The following BAG6 variants were observed in gnomAD, a reference collection of about 807,000 sequenced individuals.
The protein encoded by BAG6 is large proline-rich protein BAG6.
In BAG6, 22 loss-of-function variants were observed where a neutral mutation model predicts 121.0. The observed-to-expected ratio is 0.18, with a 90% CI of 0.13 to 0.26. The LOEUF (loss-of-function observed/expected upper bound fraction) is 0.26, where lower values mean the gene tolerates loss of function less well. Ranked by LOEUF, BAG6 falls within the 10% of genes least tolerant of loss-of-function variation. BAG6 has a pLI of 1.00. For missense variants in BAG6, 1,233 were observed against 1,537.7 expected (o/e 0.80, Z 3.31); for synonymous variants, 583 against 584.6 (o/e 1.00, Z 0.04).
rs1170568661 is a variant in BAG6 at position 31,641,349 on chromosome 6, C to T, written c.2633G>A (p.Ser878Asn). 6.2e-7 allele frequency: 1 copy of T among 1,614,278 alleles called. No individual in the cohort carries two copies. Among genetic ancestry groups the T allele is most frequent in the Admixed American group, 1.7e-5 (1 of 60,032 alleles). The change falls in exon 19 of 26, where the codon AGC becomes AAC. Residue 878 changes from serine (S) to asparagine (N), a missense_variant. Physicochemically the swap from Ser to Asn is conservative, Grantham distance 46. Transcript: ENST00000676615. The surrounding 1 kb of genome is among the most constrained non-coding windows in gnomAD (Gnocchi z 5.7). ...GCAATGCAGCACATGCGCAGCAATG[C>T]TATTAAACTGCTCTTGGAGAAATTC... ...NLEFLQEQFN[S>N]IAAHVLHCTD...
In BAG6 at chr6:31,640,687, T is replaced by C. The variant is rs762152262; in HGVS notation, c.2952A>G (p.Pro984=). The C allele has an allele frequency of 6.2e-7, 1 of 1,613,050 alleles. No homozygotes were observed. ...GDPPQPLPEE[P]MEVQGAERAS... ...CTCTTTCTGCTCCCTGAACTTCCAT[T>C]GGCTCCTCAGGAAGTGGCTGTGAAA... Residue 984 remains proline, a synonymous_variant, in exon 22 of 26, where the codon CCA becomes CCG. Transcript: ENST00000676615. This position sits in a 1 kb window ranked among gnomAD's most constrained non-coding sequence, Gnocchi z 4.2.
Position 31,642,899 on chromosome 6 carries a change from G to A in BAG6, c.1973C>T (p.Ala658Val). 6.2e-7 allele frequency: 1 copy of A among 1,612,120 alleles called. No homozygotes were observed. Among genetic ancestry groups the A allele is most frequent in the Non-Finnish European group, 8.5e-7 (1 of 1,179,336 alleles). Residue 658 changes from alanine (A) to valine (V), a missense_variant, in exon 15 of 26, where the codon GCT becomes GTT. Coordinates refer to ENST00000676615, the MANE Select transcript of BAG6 (RefSeq NM_001387994.1). Reference protein sequence around the residue: ...AGPGAGGSGVASPTITVAMPG... With the variant: ...AGPGAGGSGVVSPTITVAMPG... The stretch of plus-strand genomic sequence containing the variant: ...CATCGCCACAGTGATGGTGGGAGAA[G>A]CCACACCAGACCCTCCAGCCCCTGG...
Position 31,647,602 on chromosome 6 carries a change from T to A in BAG6, c.777A>T (p.Thr259=). The A allele has an allele frequency of 6.2e-7, 1 of 1,609,894 alleles. No individual in the cohort carries two copies. Among genetic ancestry groups the A allele is most frequent in the South Asian group, 1.1e-5 (1 of 90,572 alleles). ...APAGPTPAPE[T]NAPNHPSPAE... ...CCTCCATCTCTCACTTGGGTGCATTTGTTTCCGGGGCAGGTGTTGGGCCCG... is the reference window on the plus strand; with the variant it reads ...CCTCCATCTCTCACTTGGGTGCATTAGTTTCCGGGGCAGGTGTTGGGCCCG... The change falls in exon 7 of 26, where the codon ACA becomes ACT. Residue 259 remains threonine (T), a synonymous_variant. Transcript: ENST00000676615.
At chr6:31,642,770 C>T in intron 15 of BAG6, 59 bp downstream of exon 15, 2 of 1,581,066 alleles carry the variant, frequency 1.3e-6, no homozygotes, top group Non-Finnish European at 1.7e-6. Flanking sequence ...AAGAAGGTAC[C>T]ACTGCCTGGC....
rs768945156 is a variant in BAG6 at position 31,641,324 on chromosome 6, G to A, written c.2658C>T (p.Cys886=). Residue 886 remains cysteine, a synonymous_variant, in exon 19 of 26, where the codon TGC becomes TGT. Coordinates refer to ENST00000676615, the MANE Select transcript of BAG6 (RefSeq NM_001387994.1). This position sits in a 1 kb window ranked among gnomAD's most constrained non-coding sequence, Gnocchi z 5.7. The part of the protein sequence containing the change: ...FNSIAAHVLH[C]TDSGFGARLL... ...CCCGCCTGGCCAGCCCCTGACCTGT[G>A]CAATGCAGCACATGCGCAGCAATGC... is the stretch of plus-strand genomic sequence containing the variant. The A allele has an allele frequency of 1.7e-5, 28 of 1,614,092 alleles. No homozygotes were observed. In the African/African-American group the frequency reaches 2.9e-4, roughly 17 times the overall value.
At chr6:31,649,689 G>A (rs1320851397) in intron 2 of BAG6, 62 bp from the exon 3 acceptor site, 1 of 1,472,678 alleles carries the variant, frequency 6.8e-7, no homozygotes, top group Non-Finnish European at 9.5e-7. Flanking sequence ...AACAAAGACA[G>A]ACAACCGAGT....
chr6:31,645,529 C>T lies in BAG6; in HGVS notation c.994G>A (p.Val332Ile), dbSNP rs746154686. ...TTGCAGCGCAGGTCAGACAGTGCAA[C>T]AAAGGTGTTGCCCAGCAGTCGCAGG... is the stretch of plus-strand genomic sequence containing the variant. ...ESLRLLGNTF[V>I]ALSDLRCNLA... Residue 332 changes from valine to isoleucine, a missense_variant, in exon 9 of 26, where the codon GTT (valine) becomes ATT (isoleucine). By Grantham distance (29) the Val-to-Ile change is conservative. Around this residue, in one of 7 missense-constraint regions of BAG6, gnomAD observed 777 missense variants for 861.4 expected, o/e 0.90. Transcript: ENST00000676615. 9.9e-6 allele frequency: 16 copies of T among 1,613,040 alleles called. No individual in the cohort carries two copies. The highest frequency in any genetic ancestry group is 1.3e-5 in the African/African-American group (1 of 74,938).
At chr6:31,647,524 TTCA>T in intron 7 of BAG6, 64 bp downstream of exon 7, 1 of 1,591,646 alleles carries the variant, frequency 6.3e-7, no homozygotes, top group Non-Finnish European at 8.5e-7. Flanking sequence ...CTTGCCATGG[TTCA>T]TTTCCTTCTC....
chr6:31,641,708 A>C lies in BAG6; in HGVS notation c.2505+68T>G, dbSNP rs1782988797. ...GCAATTGGAGCTTTACCTGGCAGAG[A>C]AGCAGTCAGAAATAAGGAATAAAAT... On this transcript the variant is annotated intron_variant, in intron 17 of 25. Transcript: ENST00000676615. This position sits in a 1 kb window ranked among gnomAD's most constrained non-coding sequence, Gnocchi z 5.7. 6.8e-6 allele frequency: 11 copies of C among 1,611,192 alleles called. No homozygotes were observed. The highest frequency in any genetic ancestry group is 3.3e-5 in the Admixed American group (2 of 59,920).
At chr6:31,647,915 C>A in intron 6 of BAG6, 89 bp from the exon 7 acceptor site, 1 of 1,419,924 alleles carries the variant, frequency 7.0e-7, no homozygotes, top group South Asian at 1.7e-5. Context: ...AGAAAGTATC[C>A]TAACTAGACT....
Position 31,640,729 on chromosome 6 carries a change from T to A in BAG6, c.2935-25A>T, listed in dbSNP as rs745669719. The A allele has an allele frequency of 3.1e-6, 5 of 1,612,864 alleles. No individual in the cohort carries two copies. The highest frequency in any genetic ancestry group is 4.2e-6 in the Non-Finnish European group (5 of 1,180,016). On this transcript the variant is annotated intron_variant, in intron 21 of 25. Coordinates refer to ENST00000676615, the MANE Select transcript of BAG6 (RefSeq NM_001387994.1). This position sits in a 1 kb window ranked among gnomAD's most constrained non-coding sequence, Gnocchi z 4.2. ...GCTGTGAAATTAAAGAACACCATACTTCCTCTCAGATCTCTCCAGTTCTCT... is the reference window on the plus strand; with the variant it reads ...GCTGTGAAATTAAAGAACACCATACATCCTCTCAGATCTCTCCAGTTCTCT...
In BAG6 at chr6:31,645,473, A is replaced by T; in HGVS notation, c.1050T>A (p.His350Gln). The change falls in exon 9 of 26, where the codon CAT becomes CAA. Residue 350 changes from histidine (H) to glutamine (Q), a missense_variant. This residue lies in a region of BAG6 where 777 missense variants were observed against 861.4 expected (regional missense o/e 0.90). Coordinates refer to ENST00000676615, the MANE Select transcript of BAG6 (RefSeq NM_001387994.1). ...NLACTPPRHLHVVRPMSHYTT... is the reference protein window; with the variant it reads ...NLACTPPRHLQVVRPMSHYTT... ...TGTAGTGAGACATAGGCCGGACCAC[A>T]TGCAGGTGTCGTGGGGGCGTGCAGG... 6.2e-7 allele frequency: 1 copy of T among 1,613,088 alleles called. No homozygotes were observed. The highest frequency in any genetic ancestry group is 8.5e-7 in the Non-Finnish European group (1 of 1,180,028).
chr6:31,639,233 A>G lies in BAG6; in HGVS notation c.3394-7T>C, dbSNP rs1779612784. 1.9e-6 allele frequency: 3 copies of G among 1,611,540 alleles called. No homozygotes were observed. The African/African-American group carries it at 4.0e-5, about 22-fold the overall frequency. On this transcript the variant is annotated splice_polypyrimidine_tract_variant and splice_region_variant and intron_variant, in intron 25 of 25. Transcript: ENST00000676615. ...TTTGTATATCAGACCGGAGCTAAAG[A>G]GAAAAAGTAAGCAGGTTGGAGAAAC...
intron 14 of BAG6, among the ~76,000 whole-genome samples, chr6:31,643,682 C>T (rs1042223238): frequency 9.9e-5 from 13 of 131,564 alleles, no homozygotes; most frequent in Admixed American, 8.5e-4. Flanking sequence ...CAAGATTGTA[C>T]ACTGCACTCC....
At chr6:31,650,932 A>G (rs752061602) in intron 2 of BAG6, among the ~76,000 whole-genome samples, 1 of 152,186 alleles carries the variant, frequency 6.6e-6, no homozygotes, top group Non-Finnish European at 1.5e-5. Flanking sequence ...ATTTCACTCA[A>G]CAGTCTATCA....
chr6:31,647,211 T>C (rs1376074520), intron 7 of BAG6, among the ~76,000 whole-genome samples: 3 of 152,176 alleles, frequency 2.0e-5, no homozygotes, highest in African/African-American at 7.2e-5. Flanking sequence ...CCAAAGCTTC[T>C]ATTCTTTACT....
At position 31,644,464 on chromosome 6, in the gene BAG6, C is replaced by G; in HGVS notation, c.1448-50G>C. ...TTGAACCTGGACCCCTTCAACCCAC[C>G]CACTCAGCCCTTCCCTTTCTCTACC... is the stretch of plus-strand genomic sequence containing the variant. On this transcript the variant is annotated intron_variant, in intron 11 of 25. Transcript: ENST00000676615. This position sits in a 1 kb window ranked among gnomAD's most constrained non-coding sequence, Gnocchi z 4.9. 4 of 1,567,760 alleles carry G rather than the reference C, an allele frequency of 2.6e-6. No individual in the cohort carries two copies. The highest frequency in any genetic ancestry group is 1.7e-6 in the Non-Finnish European group (2 of 1,155,704).
In BAG6 at chr6:31,645,580, G is replaced by C; in HGVS notation, c.943C>G (p.Arg315Gly). Reference protein sequence around the residue: ...NNHEGREEDQRLINLVGESLR... With the variant: ...NNHEGREEDQGLINLVGESLR... ...CTCTCCCCTACCAAGTTGATCAACC[G>C]CTGATCCTCCTCCCGGCCCTCGTGC... The change falls in exon 9 of 26, where the codon CGG becomes GGG. Residue 315 changes from arginine to glycine, a missense_variant. By Grantham distance (125) the Arg-to-Gly change is moderately radical. Transcript: ENST00000676615. 3.7e-6 allele frequency: 6 copies of C among 1,613,116 alleles called. No homozygotes were observed. Among genetic ancestry groups the C allele is most frequent in the Non-Finnish European group, 5.1e-6 (6 of 1,180,028 alleles).
rs1012816533 is a variant in BAG6, at chr6:31,639,087, G to A, written c.*44C>T. 1.3e-6 allele frequency: 2 copies of A among 1,503,624 alleles called. No individual in the cohort carries two copies. Among genetic ancestry groups the A allele is most frequent in the Non-Finnish European group, 1.8e-6 (2 of 1,091,630 alleles). 93.1% of individuals were successfully genotyped at this position (1,503,624 alleles called of 1,614,324 possible). A position where few individuals can be genotyped will look rare whatever the true frequency, so the allele number is the denominator to read the frequency against. Reference sequence around the variant, plus strand: ...TTTCTTAAATACTGTGAAGGAAGAGGGGGGAAACGGTCCCCTGATGAGGAA... The same window carrying A: ...TTTCTTAAATACTGTGAAGGAAGAGAGGGGAAACGGTCCCCTGATGAGGAA... On this transcript the variant is annotated 3_prime_UTR_variant, in exon 26 of 26. Transcript: ENST00000676615.
Sources: gnomAD v4.1 joint callset for allele counts (sites outside exome capture counted in the v4.1 genomes callset) on GRCh38, gnomAD v4.1.1 for gene constraint, gnomAD v4.1.1 regional missense constraint, Gnocchi (gnomAD v3.1) non-coding constraint, MANE v1.5 for transcripts, NCBI Gene and HGNC (gene_info 2026-07-23, HGNC 2026-07-21) for gene names.